Variants in HIVEP3 observed in about 807,000 individuals in gnomAD.
HIVEP3 encodes HIVEP zinc finger 3.
HIVEP3 carries 49 observed loss-of-function variants against 152.8 expected under a neutral mutation model. That is an observed-to-expected ratio of 0.32 (90% CI 0.26 to 0.41). The LOEUF is 0.41. Ranked by LOEUF, HIVEP3 falls within the 10% of genes least tolerant of loss-of-function variation. HIVEP3 has a pLI of 1.00. For synonymous variants in HIVEP3, 1,269 were observed against 1,289.0 expected, an observed-to-expected ratio of 0.98 and a Z score of 0.33; for missense variants, 2,790 against 3,103.3, an observed-to-expected ratio of 0.90 and a Z score of 2.40.
In HIVEP3 at chr1:41,511,253, G is replaced by A. The variant is rs1475295941; in HGVS notation, c.6419C>T (p.Ser2140Phe). 1 of 1,605,844 alleles carries A rather than the reference G, an allele frequency of 6.2e-7. No homozygotes were observed. The highest frequency in any genetic ancestry group is 1.1e-5 in the South Asian group (1 of 90,242). The change falls in exon 9 of 9, where the codon TCC (serine) becomes TTC (phenylalanine). Residue 2140 changes from serine to phenylalanine, a missense_variant. Ser to Phe is a radical substitution (Grantham distance 155). Coordinates refer to ENST00000372583, the MANE Select transcript of HIVEP3 (RefSeq NM_024503.5). This position sits in a 1 kb window ranked among gnomAD's most constrained non-coding sequence, Gnocchi z 4.9. ...TCASPWQKAE[S>F]RSPSCSPGPA... is the part of the protein sequence containing the mutation. Reference sequence around the variant, plus strand: ...GCCGGGTGAGCAGGAGGGACTTCGGGACTCGGCCTTCTGCTGGGGTCAGAA... The same window carrying A: ...GCCGGGTGAGCAGGAGGGACTTCGGAACTCGGCCTTCTGCTGGGGTCAGAA...
intron 1 of HIVEP3, among the ~76,000 whole-genome samples, chr1:41,889,200 C>T (rs1217895106): frequency 6.6e-6 from 1 of 151,892 alleles, no homozygotes; most frequent in Non-Finnish European, 1.5e-5. Flanking sequence ...CACACACACA[C>T]ACACCACATA....
chr1:41,866,328 T>C (rs1042007557), intron 1 of HIVEP3, among the ~76,000 whole-genome samples: 1 of 152,234 alleles, frequency 6.6e-6, no homozygotes, highest in Non-Finnish European at 1.5e-5. Context: ...AGCTGCTGCA[T>C]TAGCAACCTT....
intron 1 of HIVEP3, among the ~76,000 whole-genome samples, chr1:41,851,539 G>A (rs1445767827): frequency 6.6e-6 from 1 of 152,018 alleles, no homozygotes; most frequent in Non-Finnish European, 1.5e-5. Flanking sequence ...TTGACCTCGT[G>A]ATCTGCCAGC....
intron 1 of HIVEP3, among the ~76,000 whole-genome samples, chr1:41,798,964 C>T (rs945801174): frequency 1.3e-4 from 20 of 152,154 alleles, no homozygotes; most frequent in South Asian, 6.2e-4. Context: ...TCTAACCCCA[C>T]GGACAGACAG....
intron 2 of HIVEP3, among the ~76,000 whole-genome samples, chr1:41,676,627 C>T (rs950150152): frequency 6.6e-6 from 1 of 152,178 alleles, no homozygotes; most frequent in African/African-American, 2.4e-5. Context: ...GGGTAATGCA[C>T]GACCATTCCT....
intron 1 of HIVEP3, among the ~76,000 whole-genome samples, chr1:42,011,747 G>A (rs890701846): frequency 6.6e-6 from 1 of 152,106 alleles, no homozygotes; most frequent in Non-Finnish European, 1.5e-5. Context: ...TCTCAACTAC[G>A]AGCTCCTTTC....
At chr1:41,851,289 CTTTTTTTTTTTTT>C (rs34180186) in intron 1 of HIVEP3, among the ~76,000 whole-genome samples, 37 of 59,802 alleles carry the variant, frequency 6.2e-4, no homozygotes, top group Middle Eastern at 0.016. Flanking sequence ...TCTTCTTCTT[CTTTTTTTTTTTTT>C]TTTTTTTTTT....
chr1:41,786,750 C>CT (rs1649370355), intron 1 of HIVEP3, among the ~76,000 whole-genome samples: 1 of 141,558 alleles, frequency 7.1e-6, no homozygotes, highest in African/African-American at 3.1e-5. Context: ...ATGTAATTTT[C>CT]TTTCTTTTTT....
At chr1:41,768,748 A>G (rs185238665) in intron 1 of HIVEP3, among the ~76,000 whole-genome samples, 3 of 152,360 alleles carry the variant, frequency 2.0e-5, no homozygotes, top group East Asian at 3.9e-4. Flanking sequence ...GCTTCTGGTC[A>G]TTCACAGAGA....
intron 1 of HIVEP3, among the ~76,000 whole-genome samples, chr1:41,914,799 C>T (rs184578591): frequency 6.6e-6 from 1 of 152,346 alleles, no homozygotes; most frequent in Admixed American, 6.5e-5. Flanking sequence ...GTAGGGTCTA[C>T]CTCTCCTGCT....
intron 2 of HIVEP3, among the ~76,000 whole-genome samples, chr1:41,649,784 T>C (rs972604939): frequency 6.6e-6 from 1 of 152,152 alleles, no homozygotes; most frequent in Non-Finnish European, 1.5e-5. Flanking sequence ...AGCATCTTCA[T>C]GAAGACAGGA....
chr1:41,736,828 G>C (rs1310230748), intron 1 of HIVEP3, among the ~76,000 whole-genome samples: 1 of 152,204 alleles, frequency 6.6e-6, no homozygotes, highest in African/African-American at 2.4e-5. Flanking sequence ...CAGGATGGTG[G>C]CCTGTCAGAG....
At chr1:41,937,922 G>A (rs1645027700) in intron 1 of HIVEP3, among the ~76,000 whole-genome samples, 2 of 152,190 alleles carry the variant, frequency 1.3e-5, no homozygotes, top group African/African-American at 4.8e-5. Context: ...AGTGTGCCCA[G>A]ATCTGCACAA....
At chr1:41,884,186 G>A (rs934314793) in intron 1 of HIVEP3, among the ~76,000 whole-genome samples, 4 of 152,106 alleles carry the variant, frequency 2.6e-5, no homozygotes, top group South Asian at 2.1e-4. Context: ...GGCTGGTCTC[G>A]AACACCTGGT....
intron 3 of HIVEP3, among the ~76,000 whole-genome samples, chr1:41,605,371 A>ACGTG (rs1644806859): frequency 7.9e-6 from 1 of 126,428 alleles, no homozygotes; most frequent in East Asian, 2.0e-4. Context: ...ACACACGCAC[A>ACGTG]CGCGCACACA....
intron 2 of HIVEP3, among the ~76,000 whole-genome samples, chr1:41,663,049 T>C (rs770098628): frequency 6.6e-6 from 1 of 152,222 alleles, no homozygotes; most frequent in Non-Finnish European, 1.5e-5. Flanking sequence ...TACCAGAAGC[T>C]GCTGGATCTC....
intron 1 of HIVEP3, among the ~76,000 whole-genome samples, chr1:41,808,412 T>C (rs949111445): frequency 6.6e-6 from 1 of 152,272 alleles, no homozygotes; most frequent in South Asian, 2.1e-4. Flanking sequence ...GAGCCTGGCC[T>C]TTGTAAAGAA....
At chr1:41,551,518 T>C (rs2149081499) in intron 5 of HIVEP3, among the ~76,000 whole-genome samples, 1 of 152,286 alleles carries the variant, frequency 6.6e-6, no homozygotes, top group East Asian at 1.9e-4. Context: ...TGGACTGTTT[T>C]TGGTTGGTAG....
At chr1:41,627,851 G>C (rs186050984) in intron 3 of HIVEP3, among the ~76,000 whole-genome samples, 174 of 152,160 alleles carry the variant, frequency 1.1e-3, no homozygotes, top group African/African-American at 4.1e-3. Context: ...GAGGGCACAG[G>C]TAGGCCAGAG....
Sources: allele counts gnomAD v4.1 joint callset (sites outside exome capture counted in the v4.1 genomes callset), GRCh38; gene constraint gnomAD v4.1.1; non-coding constraint Gnocchi (gnomAD v3.1); transcripts MANE v1.5; gene names NCBI Gene and HGNC (gene_info 2026-07-23, HGNC 2026-07-21).